The following AHRR variants were observed in gnomAD, a reference collection of about 807,000 sequenced individuals.
AHRR encodes the protein aryl hydrocarbon receptor repressor, also known as ahR repressor.
AHRR carries 28 observed loss-of-function variants against 44.0 expected under a neutral mutation model. The ratio of observed to expected loss-of-function variants is 0.64; its 90% CI spans 0.47 to 0.87. The LOEUF is 0.87. Ranked by LOEUF, AHRR falls within the 40% of genes least tolerant of loss-of-function variation. The probability of loss-of-function intolerance (pLI) is 0.00; values close to 1 mark genes in which losing one functional copy is unlikely to be tolerated. For missense variants in AHRR, 990 were observed against 953.9 expected (o/e 1.04, Z -0.50); for synonymous variants, 434 against 407.0 (o/e 1.07, Z -0.80).
chr5:434,806 A>G lies in AHRR; in HGVS notation c.2066A>G (p.Gln689Arg). Residue 689 changes from glutamine to arginine, a missense_variant, in exon 11 of 11, where the codon CAA becomes CGA. Transcript: ENST00000684583. ...KSALATLVPP[Q>R]ASGCTFLP ...GCCTTGGCCACGCTGGTCCCGCCCCAAGCTTCGGGGTGCACATTCCTGCCA... is the reference window on the plus strand; with the variant it reads ...GCCTTGGCCACGCTGGTCCCGCCCCGAGCTTCGGGGTGCACATTCCTGCCA... 1 of 1,552,516 alleles carries G rather than the reference A, an allele frequency of 6.4e-7. No homozygotes were observed. The highest frequency in any genetic ancestry group is 8.7e-7 in the Non-Finnish European group (1 of 1,147,490).
intron 3 of AHRR, among the ~76,000 whole-genome samples, chr5:373,185 G>A (rs6869832): frequency 0.091 from 13,838 of 152,292 alleles, 881 homozygotes; most frequent in Non-Finnish European, 0.12. Flanking sequence ...CTACAGATCC[G>A]GGTTCAGGCC....
chr5:434,786 G>A lies in AHRR; in HGVS notation c.2046G>A (p.Leu682=), dbSNP rs1485698036. The part of the protein sequence containing the change: ...MVPGMLPKSA[L]ATLVPPQASG... Reference sequence around the variant, plus strand: ...CCGGGATGTTGCCCAAAAGTGCCTTGGCCACGCTGGTCCCGCCCCAAGCTT... The same window carrying A: ...CCGGGATGTTGCCCAAAAGTGCCTTAGCCACGCTGGTCCCGCCCCAAGCTT... The change falls in exon 11 of 11, where the codon TTG becomes TTA. Residue 682 remains leucine (L), a synonymous_variant. Transcript: ENST00000684583. 7 of 1,555,578 alleles carry A rather than the reference G, an allele frequency of 4.5e-6. No homozygotes were observed.
chr5:402,566 C>T (rs537817773), intron 4 of AHRR, among the ~76,000 whole-genome samples: 45 of 152,180 alleles, frequency 3.0e-4, no homozygotes, highest in Admixed American at 1.4e-3. Context: ...GCACTGTTGG[C>T]GGGAAGGTAG....
chr5:412,784 G>A (rs1004565390), intron 4 of AHRR, among the ~76,000 whole-genome samples: 1 of 142,026 alleles, frequency 7.0e-6, no homozygotes, highest in Admixed American at 7.5e-5. Context: ...GCAGTGGTGC[G>A]ACCTCGGCTC....
At position 405,793 on chromosome 5, in the gene AHRR, T is replaced by C. The variant is rs755995231; in HGVS notation, c.352-7551T>C. Among the ~76,000 whole-genome samples, 6 of 152,244 alleles carry C rather than the reference T, an allele frequency of 3.9e-5. No individual in the cohort carries two copies. The highest frequency in any genetic ancestry group is 8.8e-5 in the Non-Finnish European group (6 of 68,040). ...GTCTTTGACAAGTGTTTCTTTTATA[T>C]TTTCACGGCACGTGTGACTTTTCTT... On this transcript the variant is annotated intron_variant, in intron 4 of 10. Coordinates refer to ENST00000684583, the MANE Select transcript of AHRR (RefSeq NM_001377236.1). This position sits in a 1 kb window ranked among gnomAD's most constrained non-coding sequence, Gnocchi z 4.5.
chr5:399,672 C>T (rs574783724), intron 4 of AHRR, among the ~76,000 whole-genome samples: 3 of 152,284 alleles, frequency 2.0e-5, no homozygotes, highest in East Asian at 3.9e-4. Flanking sequence ...AGGGCGGAGG[C>T]GGCGTCAGCA....
intron 3 of AHRR, among the ~76,000 whole-genome samples, chr5:367,635 T>C (rs1743407455): frequency 6.6e-6 from 1 of 152,196 alleles, no homozygotes; most frequent in Non-Finnish European, 1.5e-5. Context: ...GGCCATGCCC[T>C]CCTGCTGGGT....
At chr5:421,759 G>A (rs899739964) in intron 5 of AHRR, among the ~76,000 whole-genome samples, 1 of 152,204 alleles carries the variant, frequency 6.6e-6, no homozygotes, top group African/African-American at 2.4e-5. Flanking sequence ...GCTCTCCTGA[G>A]GCTGTGTCTC....
chr5:423,009 T>G (rs1195564105), intron 6 of AHRR, 151 bp downstream of exon 6: 116 of 1,084,712 alleles, frequency 1.1e-4, no homozygotes, highest in Non-Finnish European at 6.4e-6. Context: ...TTCAGAGGCC[T>G]CCTCCCATGT....
At chr5:376,529 A>G (rs1733672322) in intron 3 of AHRR, 81 bp from the exon 4 acceptor site, 13 of 1,446,688 alleles carry the variant, frequency 9.0e-6, no homozygotes, top group South Asian at 5.6e-5. Flanking sequence ...GAACGCGGGG[A>G]AACACAGGAA....
At chr5:343,292 C>T (rs80115062) in intron 1 of AHRR, among the ~76,000 whole-genome samples, 78 of 129,350 alleles carry the variant, frequency 6.0e-4, no homozygotes, top group East Asian at 4.3e-3. Flanking sequence ...TTCGGGGTGA[C>T]GTGAACACAG....
chr5:350,619 G>C (rs1040978239), intron 2 of AHRR, among the ~76,000 whole-genome samples: 1 of 152,114 alleles, frequency 6.6e-6, no homozygotes, highest in African/African-American at 2.4e-5. Context: ...TGCTCCCCTT[G>C]TTTTCTGGGG....
intron 4 of AHRR, among the ~76,000 whole-genome samples, chr5:397,806 ACCGTCCACGTAGCTCCTGACCGT>A (rs1251248017): frequency 9.9e-6 from 1 of 101,204 alleles, no homozygotes; most frequent in Non-Finnish European, 2.0e-5. Flanking sequence ...GTAGCCCCTG[ACCGTCCACGTAGCTCCTGACCGT>A]CCATGTTAGC....
At chr5:423,185 C>CA (rs1736212881) in intron 6 of AHRR, among the ~76,000 whole-genome samples, 1 of 152,206 alleles carries the variant, frequency 6.6e-6, no homozygotes, top group Non-Finnish European at 1.5e-5. Context: ...CCTCAAGTCT[C>CA]ACGTCTGCCA....
intron 5 of AHRR, chr5:418,592 G>A (rs1735928281): frequency 1.3e-5 from 2 of 152,396 alleles, no homozygotes; most frequent in Admixed American, 6.5e-5. Context: ...GGGGAGGCCT[G>A]CGGCTGCTCA....
rs1734155530 is a variant in AHRR, at chr5:385,966, C to A, written c.351+9250C>A. On this transcript the variant is annotated intron_variant, in intron 4 of 10. Coordinates refer to ENST00000684583, the MANE Select transcript of AHRR (RefSeq NM_001377236.1). ...TGAACTGCCTTTAACTTCACTGATT[C>A]TTTTCTCTGTCGCCTCCATTTGCTA... is the stretch of plus-strand genomic sequence containing the variant. 2.0e-5 allele frequency among the ~76,000 whole-genome samples: 3 copies of A among 152,220 alleles called. No homozygotes were observed. In the East Asian group the frequency reaches 5.8e-4, roughly 29 times the overall value.
chr5:353,653 C>A (rs570532594), intron 2 of AHRR, 77 bp from the exon 3 acceptor site: 16 of 1,404,728 alleles, frequency 1.1e-5, no homozygotes, highest in Non-Finnish European at 1.5e-5. Flanking sequence ...AAGGTCACTG[C>A]AGAGGACGGT....
At chr5:336,059 A>T (rs1337347706) in intron 1 of AHRR, among the ~76,000 whole-genome samples, 1 of 152,222 alleles carries the variant, frequency 6.6e-6, no homozygotes, top group Non-Finnish European at 1.5e-5. Flanking sequence ...AAGAACTAGG[A>T]TGGAGAATGG....
chr5:424,665 G>A (rs1054739540), intron 7 of AHRR, among the ~76,000 whole-genome samples: 4 of 152,154 alleles, frequency 2.6e-5, no homozygotes, highest in African/African-American at 9.7e-5. Context: ...TTTAAAATGT[G>A]CCCCACATCT....
Sources: gnomAD v4.1 joint callset for allele counts (sites outside exome capture counted in the v4.1 genomes callset) on GRCh38, gnomAD v4.1.1 for gene constraint, Gnocchi (gnomAD v3.1) non-coding constraint, MANE v1.5 for transcripts, NCBI Gene and HGNC (gene_info 2026-07-23, HGNC 2026-07-21) for gene names.